Variants in PAPPA2 observed in about 807,000 individuals in gnomAD.
PAPPA2 encodes the protein pappalysin-2.
PAPPA2 carries 86 observed loss-of-function variants against 176.4 expected under a neutral mutation model. The ratio of observed to expected loss-of-function variants is 0.49; its 90% CI spans 0.41 to 0.58. PAPPA2 has a LOEUF of 0.58. Ranked by LOEUF, PAPPA2 falls within the 20% of genes least tolerant of loss-of-function variation. The pLI is 0.00. For synonymous variants in PAPPA2, 809 were observed against 852.2 expected (o/e 0.95, Z 0.88); for missense variants, 2,073 against 2,256.9 (o/e 0.92, Z 1.65).
intron 2 of PAPPA2, among the ~76,000 whole-genome samples, chr1:176,594,186 C>A (rs1653817345): frequency 6.6e-6 from 1 of 152,210 alleles, no homozygotes; most frequent in African/African-American, 2.4e-5. Flanking sequence ...GACTTAAAGC[C>A]AGTCATGAGC....
Position 176,844,279 on chromosome 1 carries a change from GT to G in PAPPA2, c.*1830del, listed in dbSNP as rs1667586366. On this transcript the variant is annotated 3_prime_UTR_variant, in exon 23 of 23. Coordinates refer to ENST00000367662, the MANE Select transcript of PAPPA2 (RefSeq NM_020318.3). ...CTTCTGCTCTTTTGCTTTGACCACA[GT>G]TTTTCTACTCTTCCCATCAACACTA... The G allele has an allele frequency of 6.6e-6, 1 of 152,086 alleles. No individual in the cohort carries two copies. The highest frequency in any genetic ancestry group is 2.4e-5 in the African/African-American group (1 of 41,414). The allele number at this position is 152,086 out of a possible 1,614,324, so 9.4% of individuals were successfully genotyped here.
chr1:176,603,307 A>G (rs1381968069), intron 3 of PAPPA2, among the ~76,000 whole-genome samples: 1 of 152,126 alleles, frequency 6.6e-6, no homozygotes, highest in Admixed American at 6.5e-5. Flanking sequence ...ACACTTACAC[A>G]TTTTTCTTTG....
chr1:176,712,735 T>G (rs1280318682), intron 12 of PAPPA2, among the ~76,000 whole-genome samples: 1 of 152,224 alleles, frequency 6.6e-6, no homozygotes, highest in African/African-American at 2.4e-5. Context: ...TAGGCCAGCT[T>G]TGGTAAATAA....
intron 3 of PAPPA2, among the ~76,000 whole-genome samples, chr1:176,610,528 T>C (rs1654857858): frequency 6.6e-6 from 1 of 152,158 alleles, no homozygotes; most frequent in Non-Finnish European, 1.5e-5. Context: ...CTCACAGTCT[T>C]GGGCTCTGTT....
chr1:176,747,255 A>G (rs986726706), intron 14 of PAPPA2, among the ~76,000 whole-genome samples: 2 of 152,232 alleles, frequency 1.3e-5, no homozygotes, highest in African/African-American at 4.8e-5. Flanking sequence ...ACTTATGTGA[A>G]CGGGCATATT....
intron 9 of PAPPA2, 125 bp downstream of exon 9, chr1:176,702,860 T>C: frequency 7.6e-7 from 1 of 1,316,426 alleles, no homozygotes; most frequent in Non-Finnish European, 1.0e-6. Flanking sequence ...GAGTTTGACT[T>C]GTTTTGGAAA....
intron 3 of PAPPA2, among the ~76,000 whole-genome samples, chr1:176,668,391 T>C (rs996525267): frequency 1.3e-5 from 2 of 152,184 alleles, no homozygotes; most frequent in Non-Finnish European, 2.9e-5. Flanking sequence ...TTTCACTGCA[T>C]TTATGTATGG....
chr1:176,523,495 G>A lies in PAPPA2; in HGVS notation c.-916-31912G>A, dbSNP rs572504757. ...CAGCTCAACATTATTTGTCTTCTTT[G>A]GGAGATGCTGACACTTGGGAAATTT... On this transcript the variant is annotated intron_variant, in intron 1 of 22. Transcript: ENST00000367662. 7.9e-5 allele frequency among the ~76,000 whole-genome samples: 12 copies of A among 152,264 alleles called. No individual in the cohort carries two copies. In the South Asian group the frequency reaches 2.3e-3, roughly 29 times the overall value.
chr1:176,476,781 G>A (rs1652148057), intron 1 of PAPPA2, among the ~76,000 whole-genome samples: 1 of 152,198 alleles, frequency 6.6e-6, no homozygotes, highest in Admixed American at 6.5e-5. Context: ...TTCTTTAGAG[G>A]TTATGATTCT....
intron 2 of PAPPA2, among the ~76,000 whole-genome samples, chr1:176,582,749 T>C (rs1436174200): frequency 3.3e-5 from 5 of 152,186 alleles, no homozygotes; most frequent in African/African-American, 1.2e-4. Flanking sequence ...CTGGTTTTGG[T>C]ATTAGGGTTA....
chr1:176,659,392 A>G (rs1321135528), intron 3 of PAPPA2, among the ~76,000 whole-genome samples: 1 of 151,982 alleles, frequency 6.6e-6, no homozygotes, highest in Non-Finnish European at 1.5e-5. Context: ...TCTCCACATA[A>G]TCTTCCCTCT....
At chr1:176,598,859 G>C (rs79032472) in intron 3 of PAPPA2, among the ~76,000 whole-genome samples, 7 of 152,006 alleles carry the variant, frequency 4.6e-5, no homozygotes, top group African/African-American at 1.7e-4. Context: ...CGTTTTTTTG[G>C]GGGGGTTAGA....
At chr1:176,807,873 C>G (rs1364653111) in intron 21 of PAPPA2, among the ~76,000 whole-genome samples, 3 of 152,176 alleles carry the variant, frequency 2.0e-5, no homozygotes, top group Non-Finnish European at 4.4e-5. Flanking sequence ...AAGGAACATG[C>G]TCTCCTATAC....
At chr1:176,568,952 A>T (rs962838741) in intron 2 of PAPPA2, among the ~76,000 whole-genome samples, 9 of 152,322 alleles carry the variant, frequency 5.9e-5, no homozygotes, top group Admixed American at 5.9e-4. Flanking sequence ...CTGCACCCTC[A>T]GGATAAAGTT....
chr1:176,658,361 T>C (rs1658142033), intron 3 of PAPPA2, among the ~76,000 whole-genome samples: 1 of 152,024 alleles, frequency 6.6e-6, no homozygotes, highest in Admixed American at 6.6e-5. Context: ...CCAGATACTA[T>C]ATATTTTTTA....
intron 16 of PAPPA2, among the ~76,000 whole-genome samples, chr1:176,770,739 A>G (rs1664187995): frequency 6.6e-6 from 1 of 152,292 alleles, no homozygotes. Flanking sequence ...TGGGTCAAGA[A>G]AGATTTATCT....
At chr1:176,706,724 G>C (rs557703835) in intron 10 of PAPPA2, among the ~76,000 whole-genome samples, 1 of 152,256 alleles carries the variant, frequency 6.6e-6, no homozygotes, top group East Asian at 1.9e-4. Flanking sequence ...AGGAAGTACA[G>C]CTCTAGAATC....
intron 12 of PAPPA2, 116 bp from the exon 13 acceptor site, chr1:176,739,510 A>C: frequency 8.8e-7 from 1 of 1,142,182 alleles, no homozygotes; most frequent in Admixed American, 2.6e-5. Flanking sequence ...TATAAAAAAA[A>C]TGGAAGCTCT....
chr1:176,596,176 C>T (rs1300343096), intron 3 of PAPPA2, among the ~76,000 whole-genome samples: 1 of 152,178 alleles, frequency 6.6e-6, no homozygotes, highest in Non-Finnish European at 1.5e-5. Flanking sequence ...TGTGCAGCAT[C>T]CAGAAGGATC....
Sources: allele counts gnomAD v4.1 joint callset (sites outside exome capture counted in the v4.1 genomes callset), GRCh38; gene constraint gnomAD v4.1.1; transcripts MANE v1.5; gene names NCBI Gene and HGNC (gene_info 2026-07-23, HGNC 2026-07-21).